The following MAEL variants were observed in gnomAD, a reference collection of about 807,000 sequenced individuals.
MAEL encodes protein maelstrom homolog.
Under a neutral mutation model 62.0 loss-of-function variants are expected in MAEL, and 46 were observed. The observed-to-expected ratio is 0.74, with a 90% CI of 0.59 to 0.95. The LOEUF (loss-of-function observed/expected upper bound fraction) is 0.95. Ranked by LOEUF, MAEL falls within the 40% of genes least tolerant of loss-of-function variation. The pLI, the probability that MAEL is intolerant of heterozygous loss-of-function variation, is 0.00. For missense variants in MAEL, 497 were observed against 526.8 expected, an observed-to-expected ratio of 0.94 and a Z score of 0.55; for synonymous variants, 172 against 175.5, an observed-to-expected ratio of 0.98 and a Z score of 0.16.
In MAEL at chr1:167,021,893, GC is replaced by G; in HGVS notation, c.*41del. 3 of 1,392,486 alleles carry G rather than the reference GC, an allele frequency of 2.2e-6. No homozygotes were observed. The highest frequency in any genetic ancestry group is 1.9e-4 in the Middle Eastern group (1 of 5,300). 86.3% of individuals were successfully genotyped at this position (1,392,486 alleles called of 1,614,324 possible). On this transcript the variant is annotated 3_prime_UTR_variant, in exon 12 of 12. Transcript: ENST00000367872. Reference sequence around the variant, plus strand: ...TTTCAATTTCTGAAAACAGTAACAGGCCCAACTTCCTTCTTACTACAGTCAT... The same window carrying G: ...TTTCAATTTCTGAAAACAGTAACAGGCCAACTTCCTTCTTACTACAGTCAT...
At chr1:166,989,870 T>C in intron 2 of MAEL, 41 bp downstream of exon 2, 1 of 1,490,888 alleles carries the variant, frequency 6.7e-7, no homozygotes, top group African/African-American at 1.4e-5. Context: ...GCCTGGCACA[T>C]AGGCATATTC....
upstream of MAEL, among the ~76,000 whole-genome samples, chr1:166,988,020 A>G (rs1341434272): frequency 1.3e-5 from 2 of 152,214 alleles, no homozygotes; most frequent in East Asian, 1.9e-4. Context: ...TAAGAATGGT[A>G]GGCTGCATCG....
At chr1:166,999,224 A>G (rs1308628405) in intron 5 of MAEL, among the ~76,000 whole-genome samples, 1 of 152,344 alleles carries the variant, frequency 6.6e-6, no homozygotes, top group African/African-American at 2.4e-5. Context: ...TAGGCCAAAA[A>G]CTAGGCTTCT....
chr1:166,976,413 G>T (rs1663582184), intron 1 of MAEL, among the ~76,000 whole-genome samples: 1 of 152,190 alleles, frequency 6.6e-6, no homozygotes. Context: ...CTTGGGTCGA[G>T]GAAAGGGAGG....
intron 5 of MAEL, 59 bp downstream of exon 5, chr1:166,994,128 C>T (rs1664305983): frequency 7.8e-6 from 11 of 1,417,040 alleles, no homozygotes; most frequent in Middle Eastern, 3.6e-4. Flanking sequence ...CCTGGTTAGA[C>T]TTATTCCTTT....
At chr1:167,015,344 C>G (rs1406811672) in intron 8 of MAEL, among the ~76,000 whole-genome samples, 1 of 152,088 alleles carries the variant, frequency 6.6e-6, no homozygotes, top group Non-Finnish European at 1.5e-5. Flanking sequence ...GTGGGAAATT[C>G]TTAATTTTAT....
chr1:166,984,162 G>C (rs1363199599), upstream of MAEL, among the ~76,000 whole-genome samples: 1 of 152,108 alleles, frequency 6.6e-6, no homozygotes, highest in Non-Finnish European at 1.5e-5. Context: ...GGTTACTCAA[G>C]CCAAAATCCT....
chr1:166,997,770 T>C (rs186642693), intron 5 of MAEL, among the ~76,000 whole-genome samples: 2 of 152,348 alleles, frequency 1.3e-5, no homozygotes, highest in African/African-American at 2.4e-5. Flanking sequence ...TTGTGTCTTA[T>C]TCAAGAATTC....
At chr1:167,012,553 A>C (rs536475003) in intron 8 of MAEL, 2 of 152,338 alleles carry the variant, frequency 1.3e-5, no homozygotes, top group African/African-American at 4.8e-5. Flanking sequence ...AGAAGCTAAC[A>C]GTTAAGTAGG....
chr1:167,001,603 A>G (rs574131712), intron 5 of MAEL, among the ~76,000 whole-genome samples: 1 of 152,314 alleles, frequency 6.6e-6, no homozygotes, highest in East Asian at 1.9e-4. Flanking sequence ...GCACTGGGAA[A>G]CCAAAATATT....
chr1:166,986,945 C>CGTGTGTGTGTGTGT (rs58393275), upstream of MAEL, among the ~76,000 whole-genome samples: 628 of 147,114 alleles, frequency 4.3e-3, 6 homozygotes, highest in Admixed American at 0.015. Flanking sequence ...AGGAAGGGGA[C>CGTGTGTGTGTGTGT]GTGTGTGTGT....
chr1:166,995,451 C>G (rs769097929), intron 5 of MAEL, among the ~76,000 whole-genome samples: 1 of 151,930 alleles, frequency 6.6e-6, no homozygotes, highest in Non-Finnish European at 1.5e-5. Flanking sequence ...GTTGATCAGG[C>G]TGGTCTCAAA....
At chr1:167,004,968 C>T (rs1445234243) in intron 6 of MAEL, 108 bp from the exon 7 acceptor site, 1 of 1,020,270 alleles carries the variant, frequency 9.8e-7, no homozygotes, top group South Asian at 1.6e-5. Flanking sequence ...CCTGTGCCCC[C>T]TACCTCCCAA....
chr1:167,009,234 C>G (rs1412803944), intron 8 of MAEL, among the ~76,000 whole-genome samples: 1 of 152,158 alleles, frequency 6.6e-6, no homozygotes, highest in Non-Finnish European at 1.5e-5. Flanking sequence ...TTTGCTGAAC[C>G]TTGATACAGT....
intron 1 of MAEL, among the ~76,000 whole-genome samples, chr1:166,978,014 G>C (rs996859500): frequency 2.0e-5 from 3 of 152,194 alleles, no homozygotes; most frequent in African/African-American, 7.2e-5. Flanking sequence ...TGAAAAATGG[G>C]AGATGGACTG....
intron 5 of MAEL, among the ~76,000 whole-genome samples, chr1:166,999,898 A>G (rs1664587980): frequency 6.6e-6 from 1 of 152,228 alleles, no homozygotes; most frequent in South Asian, 2.1e-4. Context: ...AAAGCCTAGA[A>G]GACAGCACAT....
rs749510057 is a variant in MAEL, at chr1:167,021,068, T to C, written c.1042-17T>C. On this transcript the variant is annotated splice_polypyrimidine_tract_variant and intron_variant, in intron 10 of 11. Transcript: ENST00000367872. ...AAATAAACATTTTTCCCCCTGGTAT[T>C]TTCCTGTTACTTACAGAAGCTAAGG... 8.9e-6 allele frequency: 14 copies of C among 1,581,502 alleles called. No individual in the cohort carries two copies. Among genetic ancestry groups the C allele is most frequent in the African/African-American group, 1.3e-5 (1 of 74,244 alleles).
At chr1:167,015,363 A>G (rs1350460317) in intron 8 of MAEL, among the ~76,000 whole-genome samples, 1 of 152,194 alleles carries the variant, frequency 6.6e-6, no homozygotes, top group Non-Finnish European at 1.5e-5. Flanking sequence ...ATTTTTAAGT[A>G]GTCTTCCATT....
chr1:166,985,394 G>A (rs949228861), upstream of MAEL, among the ~76,000 whole-genome samples: 1 of 152,184 alleles, frequency 6.6e-6, no homozygotes, highest in African/African-American at 2.4e-5. Context: ...ATCAGTGCAT[G>A]TGTGGGAAAA....
Sources: allele counts gnomAD v4.1 joint callset (sites outside exome capture counted in the v4.1 genomes callset), GRCh38; gene constraint gnomAD v4.1.1; transcripts MANE v1.5; gene names NCBI Gene and HGNC (gene_info 2026-07-23, HGNC 2026-07-21).